FYB2: variants seen among roughly 807,000 people sequenced by gnomAD.
The protein encoded by FYB2 is FYN binding protein 2.
In FYB2, 103 loss-of-function variants were observed where a neutral mutation model predicts 94.1. The ratio of observed to expected loss-of-function variants is 1.09; its 90% CI spans 0.93 to 1.29. The LOEUF (loss-of-function observed/expected upper bound fraction) is 1.29. FYB2 is among the 50% of genes most tolerant of loss of function. The probability of loss-of-function intolerance (pLI) is 0.00; values close to 1 mark genes in which losing one functional copy is unlikely to be tolerated. For missense variants in FYB2, 896 were observed against 841.5 expected (o/e 1.06, Z -0.80); for synonymous variants, 293 against 287.9 (o/e 1.02, Z -0.18).
chr1:56,756,805 T>A (rs532773779), intron 6 of FYB2, among the ~76,000 whole-genome samples: 1 of 152,210 alleles, frequency 6.6e-6, no homozygotes, highest in Admixed American at 6.5e-5. Context: ...TATGCACAAG[T>A]GCTATCACAC....
intron 8 of FYB2, 56 bp downstream of exon 8, chr1:56,753,783 C>T: frequency 2.4e-6 from 3 of 1,226,938 alleles, no homozygotes; most frequent in Non-Finnish European, 3.6e-6. Flanking sequence ...ATAAAGTCAC[C>T]CCCATGAACT....
intron 1 of FYB2, among the ~76,000 whole-genome samples, chr1:56,814,991 G>A (rs569638775): frequency 5.9e-5 from 9 of 152,104 alleles, no homozygotes; most frequent in Non-Finnish European, 1.2e-4. Flanking sequence ...TATTTAGTTG[G>A]ACCTCCCATC....
At position 56,740,743 on chromosome 1, in the gene FYB2, T is replaced by C; in HGVS notation, c.1657A>G (p.Lys553Glu). The change falls in exon 13 of 20, where the codon AAG becomes GAG. Residue 553 changes from lysine (K) to glutamate (E), a missense_variant. Lys to Glu is a moderately conservative substitution (Grantham distance 56, BLOSUM62 1). Coordinates refer to ENST00000343433, the MANE Select transcript of FYB2 (RefSeq NM_001004303.5). ...KRLQQFFKKE[K>E]DRFKIKKTKS... ...GTTTTCTTTATTTTAAATCTATCCT[T>C]TTCTTTCTTGAAGAATTGCTGCAGT... 1 of 1,608,708 alleles carries C rather than the reference T, an allele frequency of 6.2e-7. No homozygotes were observed. The highest frequency in any genetic ancestry group is 8.5e-7 in the Non-Finnish European group (1 of 1,177,248).
intron 5 of FYB2, among the ~76,000 whole-genome samples, chr1:56,765,378 A>G (rs1397098164): frequency 6.6e-6 from 1 of 152,180 alleles, no homozygotes; most frequent in Non-Finnish European, 1.5e-5. Flanking sequence ...ATGGACACTA[A>G]GTGGAATTTT....
chr1:56,726,236 G>A (rs543441700), intron 16 of FYB2, among the ~76,000 whole-genome samples: 1 of 152,090 alleles, frequency 6.6e-6, no homozygotes, highest in South Asian at 2.1e-4. Context: ...TTTGAAAATG[G>A]CTTACTTGAA....
At chr1:56,782,843 C>T (rs1646039422) in intron 4 of FYB2, among the ~76,000 whole-genome samples, 1 of 152,104 alleles carries the variant, frequency 6.6e-6, no homozygotes, top group South Asian at 2.1e-4. Context: ...GAGTCAGATT[C>T]CCTGAATCAG....
At chr1:56,793,817 C>T (rs1299221603) in intron 1 of FYB2, among the ~76,000 whole-genome samples, 1 of 149,240 alleles carries the variant, frequency 6.7e-6, no homozygotes, top group African/African-American at 2.5e-5. Flanking sequence ...CTTGGTACTT[C>T]CATAGCTTTT....
Position 56,751,024 on chromosome 1 carries a change from C to T in FYB2, c.1387+20G>A. ...AACAAATTGTAATGATGAAGAAGATCAGAAAGAAATGCAACTTACAGTGGC... is the reference window on the plus strand; with the variant it reads ...AACAAATTGTAATGATGAAGAAGATTAGAAAGAAATGCAACTTACAGTGGC... On this transcript the variant is annotated intron_variant, in intron 9 of 19. Transcript: ENST00000343433. The T allele has an allele frequency of 6.2e-7, 1 of 1,603,180 alleles. No individual in the cohort carries two copies. The highest frequency in any genetic ancestry group is 2.2e-5 in the East Asian group (1 of 44,670).
chr1:56,764,527 T>A (rs1307885515), intron 5 of FYB2, among the ~76,000 whole-genome samples: 1 of 147,718 alleles, frequency 6.8e-6, no homozygotes, highest in African/African-American at 2.6e-5. Context: ...CTGACCTTTT[T>A]ATTTTTTAGT....
intron 1 of FYB2, among the ~76,000 whole-genome samples, chr1:56,807,321 A>C (rs1324033994): frequency 6.6e-6 from 1 of 152,130 alleles, no homozygotes; most frequent in Non-Finnish European, 1.5e-5. Flanking sequence ...TGGCCATTTT[A>C]ATTTCTTAGA....
intron 16 of FYB2, among the ~76,000 whole-genome samples, chr1:56,724,306 TTAAAAA>T (rs2100493209): frequency 6.6e-6 from 1 of 152,176 alleles, no homozygotes; most frequent in South Asian, 2.1e-4. Flanking sequence ...ATTTCAGCAC[TTAAAAA>T]TAAATAACCC....
intron 4 of FYB2, among the ~76,000 whole-genome samples, chr1:56,768,246 A>C (rs1183031362): frequency 6.6e-6 from 1 of 152,238 alleles, no homozygotes; most frequent in Non-Finnish European, 1.5e-5. Flanking sequence ...AAGGAACACA[A>C]AGGGAAATTG....
intron 15 of FYB2, among the ~76,000 whole-genome samples, chr1:56,730,374 G>T (rs1452025696): frequency 2.7e-5 from 3 of 112,640 alleles, no homozygotes; most frequent in Admixed American, 8.8e-5. Context: ...CGGGAGGAGA[G>T]GGGGAAAGGT....
chr1:56,718,873 G>A lies in FYB2; in HGVS notation c.*798C>T, dbSNP rs1644435617. The A allele has an allele frequency of 1.3e-5, 2 of 152,472 alleles. No individual in the cohort carries two copies. Among genetic ancestry groups the A allele is most frequent in the Non-Finnish European group, 2.9e-5 (2 of 67,996 alleles). 9.4% of individuals were successfully genotyped at this position (152,472 alleles called of 1,614,324 possible). On this transcript the variant is annotated 3_prime_UTR_variant, in exon 20 of 20. Transcript: ENST00000343433. ...CATTTAAAAAACAGAATAGATGTCA[G>A]CTTTTAAATTTTTATTTAATTCCAT...
intron 1 of FYB2, among the ~76,000 whole-genome samples, chr1:56,817,662 A>C (rs2101121821): frequency 1.3e-5 from 2 of 152,310 alleles, no homozygotes; most frequent in Middle Eastern, 6.8e-3. Context: ...TATTTTGTTA[A>C]TTTTAAAAAA....
chr1:56,743,904 T>C, intron 11 of FYB2, 122 bp downstream of exon 11: 1 of 1,067,518 alleles, frequency 9.4e-7, no homozygotes, highest in Non-Finnish European at 1.4e-6. Context: ...TTGCTTCTCT[T>C]AGCTTCCCAC....
chr1:56,741,260 A>G (rs1481453949), intron 12 of FYB2, among the ~76,000 whole-genome samples: 1 of 152,126 alleles, frequency 6.6e-6, no homozygotes, highest in African/African-American at 2.4e-5. Context: ...CTATGAAGGG[A>G]GTAATGATAT....
At chr1:56,731,288 T>C (rs915511284) in intron 15 of FYB2, among the ~76,000 whole-genome samples, 5 of 152,078 alleles carry the variant, frequency 3.3e-5, no homozygotes, top group African/African-American at 1.2e-4. Context: ...CTCAATAGCG[T>C]GGACAAGTTA....
chr1:56,745,644 G>A (rs1439815361), intron 9 of FYB2, among the ~76,000 whole-genome samples: 2 of 151,782 alleles, frequency 1.3e-5, no homozygotes, highest in African/African-American at 2.4e-5. Context: ...CCTCCTAACC[G>A]GTCTCCCCGA....
Sources: gnomAD v4.1 joint callset for allele counts (sites outside exome capture counted in the v4.1 genomes callset) on GRCh38, gnomAD v4.1.1 for gene constraint, MANE v1.5 for transcripts, NCBI Gene and HGNC (gene_info 2026-07-23, HGNC 2026-07-21) for gene names.